The following FSAF1 variants were observed in gnomAD, a reference collection of about 807,000 sequenced individuals.
FSAF1 encodes the protein 40S small subunit processome assembly factor 1.
At chr1:231,229,947 G>A in the FSAF1 span, among the ~76,000 whole-genome samples, 1 of 152,146 alleles carries the variant, frequency 6.6e-6, no homozygotes, top group Non-Finnish European at 1.5e-5. Context: ...CACCATGAAT[G>A]AGCTTAACAC....
At chr1:231,239,358 G>A in the FSAF1 span, among the ~76,000 whole-genome samples, 1 of 152,214 alleles carries the variant, frequency 6.6e-6, no homozygotes, top group African/African-American at 2.4e-5. Context: ...GCAAAATGCA[G>A]AGAATCCAAA....
At chr1:231,227,197 C>T in the FSAF1 span, 1 of 944,816 alleles carries the variant, frequency 1.1e-6, no homozygotes. Flanking sequence ...AATAACTCCA[C>T]TGTCATGTGG....
chr1:231,224,490 C>CA, the FSAF1 span: 1 of 1,457,830 alleles, frequency 6.9e-7, no homozygotes, highest in Non-Finnish European at 9.3e-7. Flanking sequence ...CCAACCAGGC[C>CA]ACTGCAGTCT....
At chr1:231,226,383 A>G in the FSAF1 span, 1 of 292,050 alleles carries the variant, frequency 3.4e-6, no homozygotes, top group Non-Finnish European at 6.5e-6. Flanking sequence ...GCAGCTTCAG[A>G]TGCTCACCGG....
chr1:231,226,796 C>T, the FSAF1 span: 53 of 1,610,340 alleles, frequency 3.3e-5, no homozygotes, highest in Middle Eastern at 9.9e-4. Context: ...CCTGTAAAAC[C>T]TTGTAATTCA....
the FSAF1 span, among the ~76,000 whole-genome samples, chr1:231,232,459 G>T: frequency 1.3e-4 from 20 of 152,282 alleles, no homozygotes; most frequent in South Asian, 3.7e-3. Context: ...CCAGATGGTG[G>T]CACCCCGTCA....
the FSAF1 span, chr1:231,229,268 C>A: frequency 8.4e-7 from 1 of 1,184,774 alleles, no homozygotes; most frequent in African/African-American, 1.5e-5. Context: ...GTATCTATCA[C>A]CGAAAGAGTA....
the FSAF1 span, among the ~76,000 whole-genome samples, chr1:231,227,578 G>A: frequency 6.5e-4 from 81 of 123,674 alleles, 1 homozygote; most frequent in African/African-American, 2.1e-3. Flanking sequence ...CCTGGCTCTC[G>A]CCCACGGTTT....
chr1:231,229,468 A>G, the FSAF1 span, among the ~76,000 whole-genome samples: 2 of 152,238 alleles, frequency 1.3e-5, no homozygotes, highest in Non-Finnish European at 2.9e-5. Context: ...TCAAAAATTA[A>G]AAAATAGAAT....
chr1:231,230,542 C>T, the FSAF1 span, among the ~76,000 whole-genome samples: 87 of 152,314 alleles, frequency 5.7e-4, no homozygotes, highest in African/African-American at 2.0e-3. Flanking sequence ...CCTATCACAA[C>T]GGCACCATGT....
chr1:231,230,853 A>G, the FSAF1 span, among the ~76,000 whole-genome samples: 2 of 152,234 alleles, frequency 1.3e-5, no homozygotes, highest in African/African-American at 2.4e-5. Flanking sequence ...ATAAAGTGTG[A>G]TAAGTGTGTG....
the FSAF1 span, among the ~76,000 whole-genome samples, chr1:231,227,579 C>T: frequency 1.3e-5 from 2 of 149,284 alleles, no homozygotes; most frequent in Non-Finnish European, 3.0e-5. Context: ...CTGGCTCTCG[C>T]CCACGGTTTT....
At chr1:231,227,113 T>C in the FSAF1 span, 2 of 1,584,144 alleles carry the variant, frequency 1.3e-6, no homozygotes, top group Non-Finnish European at 1.7e-6. Context: ...TTCCAACAAC[T>C]CCAAAGAAAA....
chr1:231,229,694 A>G, the FSAF1 span, among the ~76,000 whole-genome samples: 48,073 of 152,126 alleles, frequency 0.32, 7,734 homozygotes, highest in Admixed American at 0.4. Context: ...CCCATGCTAC[A>G]TGGATGAACC....
the FSAF1 span, chr1:231,236,644 C>T: frequency 6.6e-6 from 1 of 152,086 alleles, no homozygotes; most frequent in African/African-American, 2.4e-5. Context: ...GAAAAAAGAA[C>T]ATGAGGGAAT....
the FSAF1 span, chr1:231,239,070 G>A: frequency 1.9e-5 from 30 of 1,614,074 alleles, no homozygotes; most frequent in Non-Finnish European, 2.5e-5. Flanking sequence ...GGCCTCTTAT[G>A]AGAGAACCAG....
the FSAF1 span, among the ~76,000 whole-genome samples, chr1:231,233,380 T>G: frequency 6.6e-6 from 1 of 152,296 alleles, no homozygotes; most frequent in Middle Eastern, 3.4e-3. Flanking sequence ...CTGGCATCCT[T>G]AGGGTCAGGT....
At chr1:231,233,754 T>C in the FSAF1 span, among the ~76,000 whole-genome samples, 2 of 152,200 alleles carry the variant, frequency 1.3e-5, no homozygotes, top group South Asian at 2.1e-4. Flanking sequence ...GATTTCACCA[T>C]ATTGGCCAGG....
chr1:231,229,314 C>G, the FSAF1 span: 1 of 695,770 alleles, frequency 1.4e-6, no homozygotes, highest in Non-Finnish European at 2.4e-6. Context: ...GACCCTTTCA[C>G]ACCCACTAGA....
Sources: gnomAD v4.1 joint callset for allele counts (sites outside exome capture counted in the v4.1 genomes callset) on GRCh38, gnomAD v4.1.1 for gene constraint, MANE v1.5 for transcripts, NCBI Gene and HGNC (gene_info 2026-07-23, HGNC 2026-07-21) for gene names.